DLGAP1: variants seen among roughly 807,000 people sequenced by gnomAD.
The protein encoded by DLGAP1 is DLG associated protein 1, also known as disks large-associated protein 1.
Under a neutral mutation model 90.8 loss-of-function variants are expected in DLGAP1, and 11 were observed. That is an observed-to-expected ratio of 0.12 (90% CI 0.08 to 0.20). The LOEUF is 0.20. Among genes scored for constraint, DLGAP1 ranks in the 10% least tolerant of loss-of-function variants. The probability of loss-of-function intolerance (pLI) is 1.00; values close to 1 mark genes in which losing one functional copy is unlikely to be tolerated. For missense variants in DLGAP1, 1,050 were observed against 1,333.8 expected (o/e 0.79, Z 3.31); for synonymous variants, 558 against 540.7 (o/e 1.03, Z -0.44).
At chr18:3,794,394 G>A (rs777371366) in intron 5 of DLGAP1, among the ~76,000 whole-genome samples, 1 of 150,312 alleles carries the variant, frequency 6.7e-6, no homozygotes, top group Non-Finnish European at 1.5e-5. Flanking sequence ...TTATAGGCAT[G>A]GATTCATTTA....
intron 1 of DLGAP1, among the ~76,000 whole-genome samples, chr18:4,275,598 T>TG (rs994303163): frequency 2.5e-4 from 1 of 3,928 alleles, no homozygotes. Flanking sequence ...GGATTTTAGC[T>TG]GTTTTTTTTT....
intron 3 of DLGAP1, among the ~76,000 whole-genome samples, chr18:3,969,715 T>C (rs2073405009): frequency 6.6e-6 from 1 of 152,202 alleles, no homozygotes; most frequent in Non-Finnish European, 1.5e-5. Context: ...CCACAGATTA[T>C]GCAAAATCAA....
chr18:4,263,058 G>C (rs926834244), intron 1 of DLGAP1, among the ~76,000 whole-genome samples: 1 of 151,980 alleles, frequency 6.6e-6, no homozygotes. Flanking sequence ...TCAAGCCTCC[G>C]GAGTAGCTGG....
chr18:3,559,624 C>CTTTTTT (rs34093132), intron 9 of DLGAP1, among the ~76,000 whole-genome samples: 1 of 129,896 alleles, frequency 7.7e-6, no homozygotes, highest in African/African-American at 3.0e-5. Flanking sequence ...ATCCAATCCA[C>CTTTTTT]TTTTTTTTTT....
chr18:4,308,843 T>C (rs961362870), intron 1 of DLGAP1, among the ~76,000 whole-genome samples: 9 of 152,162 alleles, frequency 5.9e-5, no homozygotes, highest in African/African-American at 2.2e-4. Context: ...ACTTCATCTT[T>C]TAAAAGCTCC....
intron 3 of DLGAP1, among the ~76,000 whole-genome samples, chr18:3,957,894 C>CTT (rs1290209868): frequency 2.9e-5 from 4 of 139,258 alleles, no homozygotes; most frequent in Admixed American, 7.2e-5. Flanking sequence ...CTATTCCATA[C>CTT]TTTTTTTTTT....
intron 2 of DLGAP1, among the ~76,000 whole-genome samples, chr18:4,094,749 C>T (rs1411587107): frequency 6.6e-6 from 1 of 151,910 alleles, no homozygotes; most frequent in East Asian, 1.9e-4. Context: ...AGGCATGCGC[C>T]ACCATGCCTG....
chr18:3,848,842 T>C (rs2069174048), intron 4 of DLGAP1, among the ~76,000 whole-genome samples: 1 of 152,210 alleles, frequency 6.6e-6, no homozygotes, highest in Non-Finnish European at 1.5e-5. Flanking sequence ...TCTTCCACTG[T>C]CCTTCTCCTT....
chr18:4,227,488 T>G (rs1034862663), intron 1 of DLGAP1, among the ~76,000 whole-genome samples: 1 of 151,884 alleles, frequency 6.6e-6, no homozygotes, highest in African/African-American at 2.4e-5. Context: ...AAAATTGAAA[T>G]ATATCGAACA....
chr18:4,448,460 C>A (rs1056220508), intron 1 of DLGAP1, among the ~76,000 whole-genome samples: 1 of 152,132 alleles, frequency 6.6e-6, no homozygotes, highest in African/African-American at 2.4e-5. Flanking sequence ...TCATCAAGAT[C>A]CCTTAGGATT....
chr18:4,022,929 T>A (rs1326261854), intron 2 of DLGAP1, among the ~76,000 whole-genome samples: 1 of 137,340 alleles, frequency 7.3e-6, no homozygotes, highest in Non-Finnish European at 1.6e-5. Flanking sequence ...AGTATTTTCC[T>A]TAGCAGTAGA....
chr18:3,525,478 C>A (rs1385138307), intron 10 of DLGAP1, among the ~76,000 whole-genome samples: 1 of 152,200 alleles, frequency 6.6e-6, no homozygotes, highest in Non-Finnish European at 1.5e-5. Flanking sequence ...CGGCTCACTG[C>A]AACCTCCACC....
chr18:4,222,457 T>C (rs1413355597), intron 1 of DLGAP1, among the ~76,000 whole-genome samples: 1 of 152,166 alleles, frequency 6.6e-6, no homozygotes, highest in Non-Finnish European at 1.5e-5. Context: ...TACATCAGGG[T>C]AAAACTGCAG....
chr18:4,286,396 C>T (rs2079692607), intron 1 of DLGAP1, among the ~76,000 whole-genome samples: 1 of 152,012 alleles, frequency 6.6e-6, no homozygotes, highest in Admixed American at 6.6e-5. Flanking sequence ...TTTGGGGTCC[C>T]TCAGGGCACA....
chr18:3,547,283 T>TA (rs1168156879), intron 9 of DLGAP1, among the ~76,000 whole-genome samples: 6 of 109,082 alleles, frequency 5.5e-5, no homozygotes. Flanking sequence ...GCCTGGGCAA[T>TA]AGAGCGAGAC....
chr18:4,370,419 C>T (rs913165648), intron 1 of DLGAP1, among the ~76,000 whole-genome samples: 1 of 152,180 alleles, frequency 6.6e-6, no homozygotes, highest in African/African-American at 2.4e-5. Context: ...ACCAGCAGTA[C>T]ATGAGGAGTT....
chr18:4,117,159 C>T lies in DLGAP1; in HGVS notation c.-159+34021G>A, dbSNP rs2076075593. Among the ~76,000 whole-genome samples the T allele has an allele frequency of 4.6e-5, 7 of 152,266 alleles. No homozygotes were observed. In the South Asian group the frequency reaches 1.5e-3, roughly 32 times the overall value. On this transcript the variant is annotated intron_variant, in intron 2 of 12. Coordinates refer to ENST00000315677, the MANE Select transcript of DLGAP1 (RefSeq NM_004746.4). Reference sequence around the variant, plus strand: ...AGACCACGTGGAGGGAGGTGGCCATCTACAAGTTAAGGAGAGAGGGCTCAA... The same window carrying T: ...AGACCACGTGGAGGGAGGTGGCCATTTACAAGTTAAGGAGAGAGGGCTCAA...
chr18:3,761,232 C>T (rs898099380), intron 5 of DLGAP1, among the ~76,000 whole-genome samples: 4 of 152,186 alleles, frequency 2.6e-5, no homozygotes, highest in Non-Finnish European at 4.4e-5. Flanking sequence ...CCATTAGACA[C>T]GAACTCCCCG....
At chr18:3,919,872 A>G (rs2072227581) in intron 3 of DLGAP1, among the ~76,000 whole-genome samples, 1 of 152,216 alleles carries the variant, frequency 6.6e-6, no homozygotes, top group Admixed American at 6.5e-5. Context: ...AAGCTAAGAA[A>G]GGGACAAAGA....
Sources: allele counts gnomAD v4.1 joint callset (sites outside exome capture counted in the v4.1 genomes callset), GRCh38; gene constraint gnomAD v4.1.1; transcripts MANE v1.5; gene names NCBI Gene and HGNC (gene_info 2026-07-23, HGNC 2026-07-21).